Variants in GLTP observed in about 807,000 individuals in gnomAD.
GLTP encodes the protein glycolipid transfer protein.
GLTP carries 22 observed loss-of-function variants against 24.0 expected under a neutral mutation model. The observed-to-expected ratio is 0.92, with a 90% CI of 0.65 to 1.31. GLTP has a LOEUF of 1.31. Ranked by LOEUF, GLTP falls within the 50% of genes most tolerant of loss-of-function variation. The probability of loss-of-function intolerance (pLI) is 0.00; values close to 1 mark genes in which losing one functional copy is unlikely to be tolerated. For missense variants in GLTP, 224 were observed against 276.6 expected (o/e 0.81, Z 1.35); for synonymous variants, 92 against 115.9 (o/e 0.79, Z 1.33).
Position 109,880,250 on chromosome 12 carries a change from TCCC to T in GLTP, c.103+19_103+21del. On this transcript the variant is annotated intron_variant, in intron 1 of 4. Transcript: ENST00000318348. The surrounding 1 kb of genome is among the most constrained non-coding windows in gnomAD (Gnocchi z 5.1). ...GGTGCGCGTGGGGCTGCGGGCCGCC[TCCC>T]CCCTCCATTCCGGCTCACCGAAGAA... The T allele has an allele frequency of 1.4e-6, 2 of 1,449,222 alleles. No individual in the cohort carries two copies. The highest frequency in any genetic ancestry group is 1.9e-6 in the Non-Finnish European group (2 of 1,043,796). 89.8% of individuals were successfully genotyped at this position (1,449,222 alleles called of 1,614,324 possible). A position where few individuals can be genotyped will look rare whatever the true frequency, so the allele number is the denominator to read the frequency against.
At chr12:109,864,355 G>C (rs900107066) in intron 1 of GLTP, among the ~76,000 whole-genome samples, 1 of 152,176 alleles carries the variant, frequency 6.6e-6, no homozygotes, top group Non-Finnish European at 1.5e-5. Flanking sequence ...TAGCAGTGGC[G>C]TCAACCTGGG....
At chr12:109,864,301 G>A (rs533033308) in intron 1 of GLTP, among the ~76,000 whole-genome samples, 12 of 152,310 alleles carry the variant, frequency 7.9e-5, no homozygotes, top group East Asian at 3.9e-4. Flanking sequence ...AAACAAGCAC[G>A]CTGAAGTGGG....
chr12:109,864,934 C>T (rs1221096615), intron 1 of GLTP, among the ~76,000 whole-genome samples: 1 of 152,142 alleles, frequency 6.6e-6, no homozygotes, highest in East Asian at 1.9e-4. Context: ...CTGCAACCTC[C>T]ACCTCCCGGG....
At chr12:109,864,336 G>A (rs73417549) in intron 1 of GLTP, among the ~76,000 whole-genome samples, 5,180 of 152,286 alleles carry the variant, frequency 0.034, 298 homozygotes, top group African/African-American at 0.12. Context: ...GAGGTGGGCT[G>A]CCTGCAATTA....
chr12:109,871,277 G>A (rs1459979970), intron 1 of GLTP, among the ~76,000 whole-genome samples: 1 of 151,768 alleles, frequency 6.6e-6, no homozygotes, highest in African/African-American at 2.4e-5. Flanking sequence ...AGTAGAGACA[G>A]GGTTTTACCA....
intron 1 of GLTP, among the ~76,000 whole-genome samples, chr12:109,878,640 T>C (rs1409218561): frequency 6.6e-6 from 1 of 151,344 alleles, no homozygotes; most frequent in African/African-American, 2.4e-5. Context: ...CATCACAAAA[T>C]TAAACAACTT....
chr12:109,871,708 T>C (rs1868727206), intron 1 of GLTP, among the ~76,000 whole-genome samples: 1 of 152,240 alleles, frequency 6.6e-6, no homozygotes, highest in Non-Finnish European at 1.5e-5. Context: ...CCTAATTCAA[T>C]GGCATATCCT....
At chr12:109,871,463 C>T (rs1213711120) in intron 1 of GLTP, among the ~76,000 whole-genome samples, 2 of 152,152 alleles carry the variant, frequency 1.3e-5, no homozygotes, top group African/African-American at 4.8e-5. Context: ...ATTTCCCCTC[C>T]TCCCCTACAA....
chr12:109,870,268 C>T (rs1372257394), intron 1 of GLTP, among the ~76,000 whole-genome samples: 1 of 152,052 alleles, frequency 6.6e-6, no homozygotes, highest in African/African-American at 2.4e-5. Flanking sequence ...GAGTTCAAGA[C>T]CAGCCTGGCC....
At chr12:109,859,396 G>A (rs879390657) in intron 1 of GLTP, among the ~76,000 whole-genome samples, 1 of 152,194 alleles carries the variant, frequency 6.6e-6, no homozygotes, top group African/African-American at 2.4e-5. Context: ...GCTTGCGCCT[G>A]TAATCCCAGC....
chr12:109,853,457 G>A (rs918339150), intron 4 of GLTP, among the ~76,000 whole-genome samples: 6 of 151,928 alleles, frequency 3.9e-5, no homozygotes, highest in Admixed American at 1.3e-4. Context: ...TTGGGAGGCC[G>A]AGGTGGGCAG....
rs767955992 is a variant in GLTP at position 109,855,610 on chromosome 12, G to A, written c.447+9C>T. On this transcript the variant is annotated intron_variant, in intron 4 of 4. Coordinates refer to ENST00000318348, the MANE Select transcript of GLTP (RefSeq NM_016433.4). The surrounding 1 kb of genome is among the most constrained non-coding windows in gnomAD (Gnocchi z 4.1). ...TGGTGGTCCTTTGGGGCTCATGGGGGTGGCTCACCTGGAAGATCTTCTGCA... is the reference window on the plus strand; with the variant it reads ...TGGTGGTCCTTTGGGGCTCATGGGGATGGCTCACCTGGAAGATCTTCTGCA... The A allele has an allele frequency of 1.1e-5, 17 of 1,542,154 alleles. No individual in the cohort carries two copies. The South Asian group carries it at 1.7e-4, about 16-fold the overall frequency.
intron 3 of GLTP, among the ~76,000 whole-genome samples, chr12:109,856,770 CT>C (rs1267236517): frequency 1.3e-5 from 2 of 152,196 alleles, no homozygotes; most frequent in Non-Finnish European, 2.9e-5. Context: ...ATTAGAACTC[CT>C]CCTCACGGCC....
At position 109,863,009 on chromosome 12, in the gene GLTP, G is replaced by A. The variant is rs144607425; in HGVS notation, c.104-4268C>T. On this transcript the variant is annotated intron_variant, in intron 1 of 4. Transcript: ENST00000318348. Reference sequence around the variant, plus strand: ...AGAGGTTGCAGTGAGCCGAGACTGCGCCACTGCACTCCAGCCTGGGCAACA... The same window carrying A: ...AGAGGTTGCAGTGAGCCGAGACTGCACCACTGCACTCCAGCCTGGGCAACA... Among the ~76,000 whole-genome samples the A allele has an allele frequency of 6.7e-3, 1,024 of 152,162 alleles. 13 individuals are homozygous for A. Among genetic ancestry groups the A allele is most frequent in the African/African-American group, 0.023 (941 of 41,496 alleles).
chr12:109,857,637 G>A lies in GLTP; in HGVS notation c.185C>T (p.Thr62Ile). Residue 62 changes from threonine to isoleucine, a missense_variant, in exon 3 of 5, where the codon ACC (threonine) becomes ATC (isoleucine). By Grantham distance (89) the Thr-to-Ile change is moderately conservative. Coordinates refer to ENST00000318348, the MANE Select transcript of GLTP (RefSeq NM_016433.4). This position sits in a 1 kb window ranked among gnomAD's most constrained non-coding sequence, Gnocchi z 4.3. ...CAGGGTCCGGAACTTGGCTGGGTTG[G>A]TGTCGTACACAGCTTTGATTTTCTG... ...NITKIKAVYDTNPAKFRTLQN... is the reference protein window; with the variant it reads ...NITKIKAVYDINPAKFRTLQN... The A allele has an allele frequency of 6.2e-7, 1 of 1,614,110 alleles. No homozygotes were observed. The highest frequency in any genetic ancestry group is 8.5e-7 in the Non-Finnish European group (1 of 1,179,990).
At chr12:109,866,246 G>C (rs1306308791) in intron 1 of GLTP, 1 of 152,200 alleles carries the variant, frequency 6.6e-6, no homozygotes, top group Non-Finnish European at 1.5e-5. Flanking sequence ...GCGCAGGCTG[G>C]AGTGCAGTGG....
chr12:109,868,193 T>C (rs1303057989), intron 1 of GLTP, among the ~76,000 whole-genome samples: 2 of 152,254 alleles, frequency 1.3e-5, no homozygotes, highest in African/African-American at 2.4e-5. Flanking sequence ...TAATTTTTTG[T>C]AGAGATGGGG....
chr12:109,867,224 C>T (rs1365551171), intron 1 of GLTP, among the ~76,000 whole-genome samples: 1 of 151,986 alleles, frequency 6.6e-6, no homozygotes, highest in African/African-American at 2.4e-5. Flanking sequence ...TCTCGGCTCA[C>T]TGCAACCTCC....
chr12:109,876,973 C>T (rs938568393), intron 1 of GLTP, among the ~76,000 whole-genome samples: 10 of 152,202 alleles, frequency 6.6e-5, no homozygotes, highest in African/African-American at 2.4e-4. Flanking sequence ...CCACCTCAGC[C>T]TCCTGCGTAG....
Sources: allele counts gnomAD v4.1 joint callset (sites outside exome capture counted in the v4.1 genomes callset), GRCh38; gene constraint gnomAD v4.1.1; non-coding constraint Gnocchi (gnomAD v3.1); transcripts MANE v1.5; gene names NCBI Gene and HGNC (gene_info 2026-07-23, HGNC 2026-07-21).